The following PBX3 variants were observed in gnomAD, a reference collection of about 807,000 sequenced individuals.
PBX3 encodes PBX homeobox 3.
In PBX3, 14 loss-of-function variants were observed where a neutral mutation model predicts 48.5. The ratio of observed to expected loss-of-function variants is 0.29; its 90% CI spans 0.19 to 0.45. The LOEUF is 0.45. Ranked by LOEUF, PBX3 falls within the 20% of genes least tolerant of loss-of-function variation. The pLI is 1.00. For missense variants in PBX3, 386 were observed against 546.7 expected, an observed-to-expected ratio of 0.71 and a Z score of 2.93; for synonymous variants, 210 against 200.3, an observed-to-expected ratio of 1.05 and a Z score of -0.41.
Position 125,958,339 on chromosome 9 carries a change from C to T in PBX3, c.844-2345C>T, listed in dbSNP as rs374834727. ...CCTCGCTTATATACTCTCCTAACTT[C>T]CTCCTGTTGCCACATCCTATGCAGT... On this transcript the variant is annotated intron_variant, in intron 5 of 8. Transcript: ENST00000373489. 2.0e-5 allele frequency among the ~76,000 whole-genome samples: 3 copies of T among 152,348 alleles called. No individual in the cohort carries two copies. In the East Asian group the frequency reaches 5.8e-4, roughly 29 times the overall value.
intron 2 of PBX3, among the ~76,000 whole-genome samples, chr9:125,896,232 C>G (rs1178958178): frequency 6.6e-6 from 1 of 151,972 alleles, no homozygotes; most frequent in East Asian, 1.9e-4. Context: ...CAGAGAGATT[C>G]CTCTGTGTGT....
Position 125,794,333 on chromosome 9 carries a change from C to T in PBX3, c.274+45710C>T, listed in dbSNP as rs564889770. Among the ~76,000 whole-genome samples the T allele has an allele frequency of 4.6e-5, 7 of 152,238 alleles. No homozygotes were observed. In the South Asian group the frequency reaches 1.5e-3, roughly 32 times the overall value. On this transcript the variant is annotated intron_variant, in intron 2 of 8. Coordinates refer to ENST00000373489, the MANE Select transcript of PBX3 (RefSeq NM_006195.6). The stretch of plus-strand genomic sequence containing the variant: ...TACTGAATCAGAAATTGTATTTTAA[C>T]AAGATTCCCAGGTAATCATATACAC...
intron 2 of PBX3, among the ~76,000 whole-genome samples, chr9:125,904,293 C>T (rs765466397): frequency 1.3e-5 from 2 of 151,762 alleles, no homozygotes; most frequent in Admixed American, 6.6e-5. Context: ...TTCGTCTAAC[C>T]TTGCTTGATT....
At chr9:125,945,289 C>T (rs10987055) in intron 5 of PBX3, among the ~76,000 whole-genome samples, 102,356 of 151,812 alleles carry the variant, frequency 0.67, 34,929 homozygotes, top group East Asian at 0.77. Flanking sequence ...AGATAAAGCA[C>T]GTGTAAAGCA....
At chr9:125,809,686 A>G (rs1201853735) in intron 2 of PBX3, among the ~76,000 whole-genome samples, 1 of 152,220 alleles carries the variant, frequency 6.6e-6, no homozygotes, top group Non-Finnish European at 1.5e-5. Flanking sequence ...AATCACAATC[A>G]TAAAGGAAAT....
chr9:125,936,910 G>C (rs10987049), intron 5 of PBX3, among the ~76,000 whole-genome samples: 86,359 of 152,022 alleles, frequency 0.57, 27,259 homozygotes, highest in Middle Eastern at 0.72. Context: ...GGGTTAGCCA[G>C]AGAAGACAAA....
intron 2 of PBX3, among the ~76,000 whole-genome samples, chr9:125,776,563 T>G (rs1203809066): frequency 6.6e-6 from 1 of 152,190 alleles, no homozygotes; most frequent in Non-Finnish European, 1.5e-5. Context: ...TTAAATGGGC[T>G]TTTGCTCTGT....
At chr9:125,802,337 C>T (rs1837978131) in intron 2 of PBX3, among the ~76,000 whole-genome samples, 1 of 107,670 alleles carries the variant, frequency 9.3e-6, no homozygotes, top group Admixed American at 1.0e-4. Flanking sequence ...TGTTTAGCTT[C>T]TACTTGTGAG....
intron 2 of PBX3, among the ~76,000 whole-genome samples, chr9:125,774,482 A>G (rs1236991061): frequency 6.6e-6 from 1 of 152,222 alleles, no homozygotes; most frequent in Admixed American, 6.5e-5. Context: ...GATATTTTAT[A>G]TAAATGGGAT....
At chr9:125,750,351 T>C (rs1321573083) in intron 2 of PBX3, among the ~76,000 whole-genome samples, 2 of 152,238 alleles carry the variant, frequency 1.3e-5, no homozygotes, top group East Asian at 1.9e-4. Flanking sequence ...AGTTTTGGCC[T>C]AGCTAGCTTG....
chr9:125,859,894 T>G (rs911264197), intron 2 of PBX3, among the ~76,000 whole-genome samples: 4 of 152,190 alleles, frequency 2.6e-5, no homozygotes, highest in African/African-American at 9.7e-5. Flanking sequence ...TTATATAGGG[T>G]TGGCCTATTG....
chr9:125,818,056 T>A (rs1267809894), intron 2 of PBX3, among the ~76,000 whole-genome samples: 4 of 151,860 alleles, frequency 2.6e-5, no homozygotes, highest in African/African-American at 9.7e-5. Context: ...CAAAATTAGC[T>A]AGCATAGTGG....
intron 3 of PBX3, among the ~76,000 whole-genome samples, chr9:125,926,533 G>T (rs933088723): frequency 6.6e-6 from 1 of 150,820 alleles, no homozygotes; most frequent in African/African-American, 2.4e-5. Context: ...AATAGGCCAG[G>T]TGCTATTTAT....
chr9:125,751,101 AT>A (rs1836363181), intron 2 of PBX3, among the ~76,000 whole-genome samples: 1 of 152,224 alleles, frequency 6.6e-6, no homozygotes, highest in Admixed American at 6.5e-5. Context: ...TTGCATAAAT[AT>A]TTTTTAAAAA....
chr9:125,883,338 G>A (rs10819082), intron 2 of PBX3, among the ~76,000 whole-genome samples: 111,055 of 152,172 alleles, frequency 0.73, 40,982 homozygotes, highest in African/African-American at 0.81. Flanking sequence ...TGTATTTTGT[G>A]ATTGTGAAAA....
rs575373117 is a variant in PBX3, at chr9:125,761,202, G to T, written c.274+12579G>T. Among the ~76,000 whole-genome samples the T allele has an allele frequency of 4.7e-5, 7 of 150,382 alleles. No individual in the cohort carries two copies. In the South Asian group the frequency reaches 1.5e-3, roughly 31 times the overall value. Reference sequence around the variant, plus strand: ...GTATTCTATAGACATCTAATAAATAGTTTCTTTTTTCTTTTTTTTTTTGCT... The same window carrying T: ...GTATTCTATAGACATCTAATAAATATTTTCTTTTTTCTTTTTTTTTTTGCT... On this transcript the variant is annotated intron_variant, in intron 2 of 8. Transcript: ENST00000373489.
chr9:125,818,350 A>G (rs570417319), intron 2 of PBX3, among the ~76,000 whole-genome samples: 1 of 150,246 alleles, frequency 6.7e-6, no homozygotes, highest in South Asian at 2.1e-4. Flanking sequence ...TTTTAATTTG[A>G]GACGGAGTCT....
At chr9:125,939,841 G>A (rs945837274) in intron 5 of PBX3, among the ~76,000 whole-genome samples, 1 of 152,120 alleles carries the variant, frequency 6.6e-6, no homozygotes, top group Non-Finnish European at 1.5e-5. Flanking sequence ...TTAAAACCAA[G>A]CAAGCTAAAC....
chr9:125,790,258 C>T (rs1564656075), intron 2 of PBX3, among the ~76,000 whole-genome samples: 1 of 149,428 alleles, frequency 6.7e-6, no homozygotes, highest in Admixed American at 6.7e-5. Context: ...TTCTTTCTTT[C>T]TTTTTTTTTT....
Sources: allele counts gnomAD v4.1 joint callset (sites outside exome capture counted in the v4.1 genomes callset), GRCh38; gene constraint gnomAD v4.1.1; transcripts MANE v1.5; gene names NCBI Gene and HGNC (gene_info 2026-07-23, HGNC 2026-07-21).